LRRTM4: variants seen among roughly 807,000 people sequenced by gnomAD.
The protein encoded by LRRTM4 is leucine rich repeat transmembrane neuronal 4.
LRRTM4 carries 25 observed loss-of-function variants against 47.6 expected under a neutral mutation model. The ratio of observed to expected loss-of-function variants is 0.53; its 90% CI spans 0.38 to 0.73. The LOEUF (loss-of-function observed/expected upper bound fraction) is 0.73. LRRTM4 is among the 30% of genes least tolerant of loss of function. The pLI is 0.00. For synonymous variants in LRRTM4, 311 were observed against 269.5 expected (o/e 1.15, Z -1.51); for missense variants, 638 against 713.4 (o/e 0.89, Z 1.20).
At chr2:77,075,339 TTA>T (rs904268206) in intron 3 of LRRTM4, among the ~76,000 whole-genome samples, 2 of 152,180 alleles carry the variant, frequency 1.3e-5, no homozygotes, top group Admixed American at 1.3e-4. Flanking sequence ...GTCAGTCTGT[TTA>T]TTTGTCTCGA....
chr2:77,276,382 G>A (rs1676353646), intron 3 of LRRTM4, among the ~76,000 whole-genome samples: 1 of 141,400 alleles, frequency 7.1e-6, no homozygotes. Flanking sequence ...GGAAGGAAGG[G>A]AGGGAAGGAG....
intron 3 of LRRTM4, among the ~76,000 whole-genome samples, chr2:76,920,423 G>C (rs1204722420): frequency 6.6e-6 from 1 of 152,026 alleles, no homozygotes; most frequent in Non-Finnish European, 1.5e-5. Flanking sequence ...GTTTGGTTTT[G>C]AAATAAAGGT....
At chr2:77,338,133 A>T (rs1361482520) in intron 3 of LRRTM4, among the ~76,000 whole-genome samples, 1 of 152,148 alleles carries the variant, frequency 6.6e-6, no homozygotes, top group Non-Finnish European at 1.5e-5. Context: ...CAAACTATAC[A>T]ATCCCTGGAA....
chr2:77,498,814 C>T (rs1678460550), intron 3 of LRRTM4, among the ~76,000 whole-genome samples: 1 of 151,858 alleles, frequency 6.6e-6, no homozygotes, highest in Non-Finnish European at 1.5e-5. Context: ...CCTTCAGGCT[C>T]AACATGGGAA....
intron 3 of LRRTM4, among the ~76,000 whole-genome samples, chr2:77,184,016 G>A (rs1407514522): frequency 1.3e-5 from 2 of 151,912 alleles, no homozygotes; most frequent in African/African-American, 2.4e-5. Flanking sequence ...ACACCAACAT[G>A]GCATATGTAT....
At chr2:77,223,407 G>A (rs1160852257) in intron 3 of LRRTM4, among the ~76,000 whole-genome samples, 2 of 152,124 alleles carry the variant, frequency 1.3e-5, no homozygotes, top group Admixed American at 1.3e-4. Flanking sequence ...TAGGAAAAGA[G>A]GAAGTCAAAT....
chr2:76,839,036 G>A (rs1671597055), intron 3 of LRRTM4, among the ~76,000 whole-genome samples: 1 of 152,222 alleles, frequency 6.6e-6, no homozygotes, highest in South Asian at 2.1e-4. Flanking sequence ...ATAGGAGCCA[G>A]ATTACCTCAA....
At chr2:77,036,329 G>C (rs1219863023) in intron 3 of LRRTM4, among the ~76,000 whole-genome samples, 2 of 151,658 alleles carry the variant, frequency 1.3e-5, no homozygotes, top group African/African-American at 4.8e-5. Context: ...CAATTTCATG[G>C]ACTAGAGTAT....
intron 3 of LRRTM4, among the ~76,000 whole-genome samples, chr2:77,059,130 T>C (rs1477602922): frequency 1.3e-5 from 2 of 152,184 alleles, no homozygotes; most frequent in African/African-American, 4.8e-5. Context: ...TCAAGATCTG[T>C]AGCTAAATTT....
intron 3 of LRRTM4, among the ~76,000 whole-genome samples, chr2:76,843,674 G>T (rs946247370): frequency 6.6e-6 from 1 of 152,104 alleles, no homozygotes; most frequent in African/African-American, 2.4e-5. Flanking sequence ...TACTATTTCT[G>T]GGATATGTTC....
chr2:77,248,087 TTA>T (rs1351805649), intron 3 of LRRTM4, among the ~76,000 whole-genome samples: 1 of 150,898 alleles, frequency 6.6e-6, no homozygotes, highest in African/African-American at 2.4e-5. Context: ...TTTTCATGTA[TTA>T]TGTTACATAA....
intron 3 of LRRTM4, among the ~76,000 whole-genome samples, chr2:76,912,179 A>G (rs1054293051): frequency 2.0e-5 from 3 of 152,122 alleles, no homozygotes; most frequent in Non-Finnish European, 4.4e-5. Context: ...TCGGCCTCCC[A>G]AAGTGCTAGG....
intron 3 of LRRTM4, among the ~76,000 whole-genome samples, chr2:77,058,393 A>G (rs1291691023): frequency 2.6e-5 from 4 of 152,160 alleles, no homozygotes; most frequent in African/African-American, 4.8e-5. Flanking sequence ...TACTTAGGCA[A>G]ATGTGAAGAG....
chr2:76,763,705 A>G (rs1673348006), intron 3 of LRRTM4, among the ~76,000 whole-genome samples: 1 of 152,222 alleles, frequency 6.6e-6, no homozygotes, highest in South Asian at 2.1e-4. Context: ...GGTAGAGGCC[A>G]GAAGAGTTTA....
At chr2:76,955,609 A>G (rs150499309) in intron 3 of LRRTM4, among the ~76,000 whole-genome samples, 21 of 151,912 alleles carry the variant, frequency 1.4e-4, no homozygotes, top group African/African-American at 4.3e-4. Context: ...TGAGTTCTCA[A>G]TTCCCAATAC....
At chr2:77,058,234 G>A (rs1573511857) in intron 3 of LRRTM4, among the ~76,000 whole-genome samples, 1 of 152,118 alleles carries the variant, frequency 6.6e-6, no homozygotes. Context: ...TCCTTAGTTA[G>A]TGGGTATTTT....
chr2:77,045,353 T>A (rs1345421355), intron 3 of LRRTM4, among the ~76,000 whole-genome samples: 3 of 151,984 alleles, frequency 2.0e-5, no homozygotes, highest in Non-Finnish European at 4.4e-5. Flanking sequence ...TTATTTTATT[T>A]ATCAGCTGAA....
At chr2:76,901,731 A>G (rs4853282) in intron 3 of LRRTM4, among the ~76,000 whole-genome samples, 22,144 of 152,052 alleles carry the variant, frequency 0.15, 2,040 homozygotes, top group Admixed American at 0.22. Context: ...GTACCCTTTT[A>G]CTATCTCTTC....
intron 3 of LRRTM4, among the ~76,000 whole-genome samples, chr2:77,120,707 TA>T (rs1671501284): frequency 6.6e-6 from 1 of 151,766 alleles, no homozygotes; most frequent in Admixed American, 6.6e-5. Context: ...AAAATACATA[TA>T]TTTTTATAAA....
Sources: gnomAD v4.1 joint callset for allele counts (sites outside exome capture counted in the v4.1 genomes callset) on GRCh38, gnomAD v4.1.1 for gene constraint, MANE v1.5 for transcripts, NCBI Gene and HGNC (gene_info 2026-07-23, HGNC 2026-07-21) for gene names.